The following MACROD2 variants were observed in gnomAD, a reference collection of about 807,000 sequenced individuals.
MACROD2 encodes the protein ADP-ribose glycohydrolase MACROD2.
A neutral mutation model predicts 70.4 loss-of-function variants in MACROD2; 36 were observed. The ratio of observed to expected loss-of-function variants is 0.51; its 90% CI spans 0.39 to 0.68. The LOEUF (loss-of-function observed/expected upper bound fraction) is 0.68, where lower values mean the gene tolerates loss of function less well. Among genes scored for constraint, MACROD2 ranks in the 30% least tolerant of loss-of-function variants. The probability of loss-of-function intolerance (pLI) is 0.00; values close to 1 mark genes in which losing one functional copy is unlikely to be tolerated. For missense variants in MACROD2, 496 were observed against 538.4 expected, an observed-to-expected ratio of 0.92 and a Z score of 0.78; for synonymous variants, 172 against 178.8, an observed-to-expected ratio of 0.96 and a Z score of 0.30.
At chr20:14,976,691 A>G (rs946329194) in intron 5 of MACROD2, among the ~76,000 whole-genome samples, 6 of 152,190 alleles carry the variant, frequency 3.9e-5, no homozygotes, top group Admixed American at 3.9e-4. Flanking sequence ...GGTTTAGCCT[A>G]GAGGTGAAGG....
intron 5 of MACROD2, among the ~76,000 whole-genome samples, chr20:15,121,317 G>A (rs2076028406): frequency 6.6e-6 from 1 of 152,028 alleles, no homozygotes. Flanking sequence ...TTCGAGACCA[G>A]CCTGGCCAAC....
intron 5 of MACROD2, among the ~76,000 whole-genome samples, chr20:15,037,203 A>G (rs895789115): frequency 6.6e-6 from 1 of 152,090 alleles, no homozygotes; most frequent in Non-Finnish European, 1.5e-5. Flanking sequence ...AATACTAGAA[A>G]TAACATCTTT....
chr20:14,532,684 G>C (rs956350308), intron 4 of MACROD2, among the ~76,000 whole-genome samples: 3 of 152,068 alleles, frequency 2.0e-5, no homozygotes, highest in Admixed American at 6.6e-5. Flanking sequence ...TTCAGATGTG[G>C]TGACTTGGTT....
At chr20:15,810,582 A>G in intron 8 of MACROD2, among the ~76,000 whole-genome samples, 1 of 152,174 alleles carries the variant, frequency 6.6e-6, no homozygotes, top group East Asian at 1.9e-4. Flanking sequence ...ATTGGAAAAA[A>G]CTACTTTAAA....
chr20:15,038,689 T>A (rs771829693), intron 5 of MACROD2, among the ~76,000 whole-genome samples: 4 of 152,138 alleles, frequency 2.6e-5, no homozygotes, highest in Non-Finnish European at 5.9e-5. Flanking sequence ...AATGTGCTCA[T>A]GAGGACGAGG....
chr20:15,548,714 T>C (rs144338108), intron 8 of MACROD2, among the ~76,000 whole-genome samples: 25 of 152,248 alleles, frequency 1.6e-4, no homozygotes, highest in South Asian at 1.0e-3. Context: ...TTTTTACTAA[T>C]AGAATTAAGC....
At chr20:14,145,928 GT>G (rs2054936885) in intron 3 of MACROD2, among the ~76,000 whole-genome samples, 1 of 152,210 alleles carries the variant, frequency 6.6e-6, no homozygotes, top group African/African-American at 2.4e-5. Context: ...TTGGAAGTCT[GT>G]TTAATCACTG....
chr20:14,539,080 A>G (rs2085400525), intron 4 of MACROD2, among the ~76,000 whole-genome samples: 1 of 152,224 alleles, frequency 6.6e-6, no homozygotes, highest in African/African-American at 2.4e-5. Context: ...CAATGGATTA[A>G]AAATGTAGAT....
At chr20:15,222,883 A>G (rs1475942067) in intron 5 of MACROD2, among the ~76,000 whole-genome samples, 1 of 152,174 alleles carries the variant, frequency 6.6e-6, no homozygotes, top group Non-Finnish European at 1.5e-5. Flanking sequence ...ATCTTTGTAA[A>G]TAATTCTACT....
In MACROD2 at chr20:15,678,810, C is replaced by G. The variant is rs530808902; in HGVS notation, c.645+178963C>G. On this transcript the variant is annotated intron_variant, in intron 8 of 17. Coordinates refer to ENST00000684519, the MANE Select transcript of MACROD2 (RefSeq NM_001351661.2). ...AGTGGTGTGTTGGGAAACTGATAAT[C>G]TAAAATAAGCAATAAAGCAAACAGC... Among the ~76,000 whole-genome samples, 3 of 152,084 alleles carry G rather than the reference C, an allele frequency of 2.0e-5. No homozygotes were observed. In the East Asian group the frequency reaches 5.8e-4, roughly 29 times the overall value.
At chr20:14,310,488 G>A (rs2082557336) in intron 3 of MACROD2, among the ~76,000 whole-genome samples, 1 of 152,154 alleles carries the variant, frequency 6.6e-6, no homozygotes, top group Non-Finnish European at 1.5e-5. Context: ...CGTATTTGTG[G>A]TGATGCTGGT....
At chr20:14,175,564 G>C (rs2081256811) in intron 3 of MACROD2, among the ~76,000 whole-genome samples, 1 of 152,178 alleles carries the variant, frequency 6.6e-6, no homozygotes, top group Admixed American at 6.6e-5. Flanking sequence ...TGTGAGACAG[G>C]AAGTCTAGAG....
At chr20:14,540,216 C>A (rs966044545) in intron 4 of MACROD2, among the ~76,000 whole-genome samples, 1 of 152,134 alleles carries the variant, frequency 6.6e-6, no homozygotes, top group East Asian at 1.9e-4. Flanking sequence ...TGTTTGCATT[C>A]AGGATGTTTC....
Position 15,137,256 on chromosome 20 carries a change from A to G in MACROD2, c.419-92684A>G, listed in dbSNP as rs1346924353. On this transcript the variant is annotated intron_variant, in intron 5 of 17. Transcript: ENST00000684519. ...ATCATGCTGCTATAAAGACACATGC[A>G]CACGTATGTTTATTGCGGCACTATT... Among the ~76,000 whole-genome samples, 3 of 151,872 alleles carry G rather than the reference A, an allele frequency of 2.0e-5. 1 individual carries two copies. The highest frequency in any genetic ancestry group is 1.5e-5 in the Non-Finnish European group (1 of 68,012).
intron 5 of MACROD2, among the ~76,000 whole-genome samples, chr20:14,864,719 T>TAAA (rs1245829072): frequency 6.6e-6 from 1 of 152,084 alleles, no homozygotes; most frequent in Non-Finnish European, 1.5e-5. Context: ...TAAAGATAAC[T>TAAA]GAGAAAGCAG....
Position 15,881,092 on chromosome 20 carries a change from C to G in MACROD2, c.728-4672C>G, listed in dbSNP as rs1256285052. 2.0e-5 allele frequency among the ~76,000 whole-genome samples: 3 copies of G among 152,036 alleles called. No homozygotes were observed. The East Asian group carries it at 5.8e-4, about 29-fold the overall frequency. ...CCTCCTTGAGGGAAAAGATTGCTAA[C>G]CTGTATCTTCGTAATGGGTACACAA... On this transcript the variant is annotated intron_variant, in intron 9 of 17. Transcript: ENST00000684519.
intron 15 of MACROD2, among the ~76,000 whole-genome samples, chr20:16,028,385 A>ATTTTT (rs11483358): frequency 6.1e-5 from 9 of 146,544 alleles, no homozygotes; most frequent in Admixed American, 1.4e-4. Context: ...CCTGGTGGAC[A>ATTTTT]TTTTTTTTTT....
intron 3 of MACROD2, among the ~76,000 whole-genome samples, chr20:14,455,261 T>C (rs1201620480): frequency 1.3e-5 from 2 of 151,886 alleles, no homozygotes; most frequent in Non-Finnish European, 2.9e-5. Flanking sequence ...TTATTTACTC[T>C]CATTGTATTT....
At chr20:14,170,670 C>T (rs149997886) in intron 3 of MACROD2, among the ~76,000 whole-genome samples, 1 of 152,158 alleles carries the variant, frequency 6.6e-6, no homozygotes, top group African/African-American at 2.4e-5. Context: ...TATGTTAAAC[C>T]ATCCCTGCAT....
Sources: allele counts gnomAD v4.1 joint callset (sites outside exome capture counted in the v4.1 genomes callset), GRCh38; gene constraint gnomAD v4.1.1; transcripts MANE v1.5; gene names NCBI Gene and HGNC (gene_info 2026-07-23, HGNC 2026-07-21).